The following PALLD variants were observed in gnomAD, a reference collection of about 807,000 sequenced individuals.
PALLD encodes palladin.
A neutral mutation model predicts 123.5 loss-of-function variants in PALLD; 61 were observed. That is an observed-to-expected ratio of 0.49 (90% confidence interval 0.40 to 0.61). PALLD has a LOEUF of 0.61. Ranked by LOEUF, PALLD falls within the 20% of genes least tolerant of loss-of-function variation. The pLI, the probability that PALLD is intolerant of heterozygous loss-of-function variation, is 0.00. For missense variants in PALLD, 1,273 were observed against 1,377.0 expected, an observed-to-expected ratio of 0.92 and a Z score of 1.20; for synonymous variants, 465 against 496.4, an observed-to-expected ratio of 0.94 and a Z score of 0.84.
chr4:168,819,033 G>A (rs189729285), intron 10 of PALLD, among the ~76,000 whole-genome samples: 109 of 152,230 alleles, frequency 7.2e-4, no homozygotes, highest in African/African-American at 2.5e-3. Context: ...AGATGATGAT[G>A]AACAAGCTTA....
chr4:168,521,461 A>G (rs1242556932), intron 2 of PALLD, among the ~76,000 whole-genome samples: 1 of 152,046 alleles, frequency 6.6e-6, no homozygotes, highest in Non-Finnish European at 1.5e-5. Context: ...AACACAGAGA[A>G]AGAGTTTAAA....
intron 2 of PALLD, among the ~76,000 whole-genome samples, chr4:168,602,348 C>T (rs1004384845): frequency 1.3e-5 from 2 of 152,142 alleles, no homozygotes; most frequent in African/African-American, 2.4e-5. Flanking sequence ...TCCAGGACTT[C>T]GAGTACAGGG....
rs879420604 is a variant in PALLD at position 168,836,303 on chromosome 4, G to A, written c.1965-54619G>A. Among the ~76,000 whole-genome samples the A allele has an allele frequency of 4.6e-5, 7 of 152,328 alleles. 1 individual carries two copies. The South Asian group carries it at 6.2e-4, about 14-fold the overall frequency. On this transcript the variant is annotated intron_variant, in intron 10 of 21. Transcript: ENST00000505667. ...AGTTTGGCAGAGACTGTTGGAAGGC[G>A]TAATGGCTTATTTGATGGAAAAGAT...
chr4:168,606,567 G>A (rs375225800), intron 2 of PALLD, among the ~76,000 whole-genome samples: 21 of 151,642 alleles, frequency 1.4e-4, no homozygotes, highest in Non-Finnish European at 2.7e-4. Context: ...CCAGCTACTC[G>A]GGAGGCTGAG....
intron 2 of PALLD, among the ~76,000 whole-genome samples, chr4:168,658,280 A>G (rs116003340): frequency 1.0e-5 from 1 of 100,348 alleles, no homozygotes; most frequent in Admixed American, 9.8e-5. Flanking sequence ...GTGGGTTTTT[A>G]TTTGGTTTTT....
At chr4:168,856,152 A>G (rs1304297982) in intron 10 of PALLD, among the ~76,000 whole-genome samples, 2 of 152,202 alleles carry the variant, frequency 1.3e-5, no homozygotes, top group Non-Finnish European at 1.5e-5. Flanking sequence ...AGCTGCATCC[A>G]TGTTGCTACA....
chr4:168,593,436 C>CAAAAAAAAAAAGAAA (rs771493669), intron 2 of PALLD, among the ~76,000 whole-genome samples: 1 of 103,312 alleles, frequency 9.7e-6, no homozygotes, highest in African/African-American at 3.8e-5. Context: ...AGTCACCAGG[C>CAAAAAAAAAAAGAAA]AAAAAAAAAA....
chr4:168,569,416 A>G (rs1284678282), intron 2 of PALLD, among the ~76,000 whole-genome samples: 1 of 152,180 alleles, frequency 6.6e-6, no homozygotes, highest in African/African-American at 2.4e-5. Flanking sequence ...TACAGACTGT[A>G]AATACTTGGG....
chr4:168,710,894 C>A (rs545212306), intron 9 of PALLD, among the ~76,000 whole-genome samples: 1 of 152,252 alleles, frequency 6.6e-6, no homozygotes, highest in South Asian at 2.1e-4. Context: ...ACATAATCAA[C>A]AAATATTTTA....
intron 10 of PALLD, among the ~76,000 whole-genome samples, chr4:168,742,741 G>A (rs1321329088): frequency 6.6e-6 from 1 of 152,162 alleles, no homozygotes; most frequent in East Asian, 1.9e-4. Flanking sequence ...TTTGCATCTA[G>A]TGGCAATCAT....
At chr4:168,609,345 CAAAA>C (rs5863949) in intron 2 of PALLD, among the ~76,000 whole-genome samples, 4 of 71,598 alleles carry the variant, frequency 5.6e-5, no homozygotes, top group Non-Finnish European at 9.9e-5. Context: ...AAGCTGTTAC[CAAAA>C]AAAAAAAAAA....
chr4:168,672,175 T>C (rs888407733), intron 3 of PALLD, among the ~76,000 whole-genome samples: 2 of 152,206 alleles, frequency 1.3e-5, no homozygotes, highest in African/African-American at 4.8e-5. Context: ...TTGATACATA[T>C]TACGTATAGT....
At chr4:168,708,953 G>A in intron 8 of PALLD, 75 bp from the exon 9 acceptor site, 1 of 1,285,898 alleles carries the variant, frequency 7.8e-7, no homozygotes, top group Non-Finnish European at 1.1e-6. Flanking sequence ...GTTGTGGAAA[G>A]GTGGAGGGTC....
intron 1 of PALLD, among the ~76,000 whole-genome samples, chr4:168,497,686 C>T (rs1760893317): frequency 6.6e-6 from 1 of 152,070 alleles, no homozygotes; most frequent in South Asian, 2.1e-4. Context: ...ACTCACTGGA[C>T]ATAATTAAAT....
intron 10 of PALLD, among the ~76,000 whole-genome samples, chr4:168,716,597 TAC>T (rs1305236902): frequency 1.3e-5 from 2 of 152,202 alleles, no homozygotes; most frequent in African/African-American, 4.8e-5. Flanking sequence ...CACCCTTTGA[TAC>T]CCTATTGTTC....
At chr4:168,862,510 T>G (rs1473338368) in intron 10 of PALLD, among the ~76,000 whole-genome samples, 1 of 152,238 alleles carries the variant, frequency 6.6e-6, no homozygotes, top group African/African-American at 2.4e-5. Context: ...GCTTTAATTC[T>G]CTAAGCCAAA....
intron 2 of PALLD, among the ~76,000 whole-genome samples, chr4:168,542,366 T>C (rs938702884): frequency 6.6e-6 from 1 of 151,750 alleles, no homozygotes; most frequent in African/African-American, 2.4e-5. Context: ...CAGTGAGCTA[T>C]GATCATACCA....
intron 10 of PALLD, among the ~76,000 whole-genome samples, chr4:168,873,293 G>A (rs1012216185): frequency 2.0e-5 from 3 of 152,174 alleles, no homozygotes; most frequent in African/African-American, 7.2e-5. Flanking sequence ...TAAATATCAG[G>A]ACCAGAGGAG....
At chr4:168,701,136 TA>T (rs895689611) in intron 8 of PALLD, among the ~76,000 whole-genome samples, 1 of 152,138 alleles carries the variant, frequency 6.6e-6, no homozygotes, top group Non-Finnish European at 1.5e-5. Context: ...TTAAGTTTAA[TA>T]AAAAAAGGGA....
Sources: allele counts gnomAD v4.1 joint callset (sites outside exome capture counted in the v4.1 genomes callset), GRCh38; gene constraint gnomAD v4.1.1; transcripts MANE v1.5; gene names NCBI Gene and HGNC (gene_info 2026-07-23, HGNC 2026-07-21).